The following CFAP299 variants were observed in gnomAD, a reference collection of about 807,000 sequenced individuals.
CFAP299 encodes cilia- and flagella-associated protein 299.
In CFAP299, 21 loss-of-function variants were observed where a neutral mutation model predicts 27.0. The ratio of observed to expected loss-of-function variants is 0.78; its 90% CI spans 0.55 to 1.12. CFAP299 has a LOEUF of 1.12. Ranked by LOEUF, CFAP299 falls within the 50% of genes most tolerant of loss-of-function variation. The probability of loss-of-function intolerance (pLI) is 0.00; values close to 1 mark genes in which losing one functional copy is unlikely to be tolerated. For synonymous variants in CFAP299, 104 were observed against 98.1 expected (o/e 1.06, Z -0.36); for missense variants, 310 against 276.6 (o/e 1.12, Z -0.86).
At chr4:80,354,877 T>A (rs528149430) in intron 1 of CFAP299, among the ~76,000 whole-genome samples, 1 of 152,318 alleles carries the variant, frequency 6.6e-6, no homozygotes, top group Non-Finnish European at 1.5e-5. Context: ...CTGCATAGTG[T>A]TCTATGGTAT....
At chr4:80,428,654 G>A (rs549457357) in intron 2 of CFAP299, among the ~76,000 whole-genome samples, 1 of 151,266 alleles carries the variant, frequency 6.6e-6, no homozygotes, top group South Asian at 2.1e-4. Flanking sequence ...AGCCTCACGA[G>A]TAGCTGGGAT....
At chr4:80,959,743 A>C (rs1304859120) in intron 5 of CFAP299, among the ~76,000 whole-genome samples, 1 of 151,934 alleles carries the variant, frequency 6.6e-6, no homozygotes, top group Admixed American at 6.6e-5. Flanking sequence ...TCTCAGAGAT[A>C]GTTTTAAGTG....
rs560987575 is a variant in CFAP299, at chr4:80,771,712, A to G, written c.334-98281A>G. 4.6e-5 allele frequency among the ~76,000 whole-genome samples: 7 copies of G among 152,298 alleles called. No individual in the cohort carries two copies. In the East Asian group the frequency reaches 1.2e-3, roughly 25 times the overall value. On this transcript the variant is annotated intron_variant, in intron 3 of 5. Transcript: ENST00000358105. Reference sequence around the variant, plus strand: ...CAGGCATCTTAAATACATGTCTTCCATCATGTGCTTTAAGGTGGCCCCTCC... The same window carrying G: ...CAGGCATCTTAAATACATGTCTTCCGTCATGTGCTTTAAGGTGGCCCCTCC...
chr4:80,799,502 T>A (rs1423670596), intron 3 of CFAP299, among the ~76,000 whole-genome samples: 5 of 80,956 alleles, frequency 6.2e-5, no homozygotes, highest in South Asian at 3.9e-4. Context: ...ATAATATATT[T>A]TATAAATGTA....
intron 4 of CFAP299, among the ~76,000 whole-genome samples, chr4:80,912,529 C>T (rs34834368): frequency 0.13 from 19,272 of 152,130 alleles, 1,481 homozygotes; most frequent in Middle Eastern, 0.22. Flanking sequence ...TACTGTCTCC[C>T]TCATTGTGTG....
chr4:80,668,157 A>ATT (rs879760731), intron 3 of CFAP299, among the ~76,000 whole-genome samples: 6 of 22,606 alleles, frequency 2.7e-4, no homozygotes, highest in Admixed American at 2.0e-3. Context: ...TTTTTAAATA[A>ATT]ATTTTTTTTT....
At chr4:80,440,517 A>G (rs1728307402) in intron 2 of CFAP299, among the ~76,000 whole-genome samples, 3 of 152,198 alleles carry the variant, frequency 2.0e-5, no homozygotes, top group Admixed American at 6.5e-5. Context: ...AACATCAACA[A>G]AAAGGATGCC....
rs139798234 is a variant in CFAP299 at position 80,549,019 on chromosome 4, C to A, written c.243-34074C>A. On this transcript the variant is annotated intron_variant, in intron 2 of 5. Coordinates refer to ENST00000358105, the MANE Select transcript of CFAP299 (RefSeq NM_152770.3). ...GGGAAAAATCATCACATGTTTCAAG[C>A]ACTGTATGCATAGTCAGTGTGGGAG... Among the ~76,000 whole-genome samples, 772 of 152,134 alleles carry A rather than the reference C, an allele frequency of 5.1e-3. 5 individuals are homozygous for A. The highest frequency in any genetic ancestry group is 0.017 in the Middle Eastern group (5 of 294).
chr4:80,446,398 A>G (rs1214051037), intron 2 of CFAP299, among the ~76,000 whole-genome samples: 1 of 152,268 alleles, frequency 6.6e-6, no homozygotes, highest in Non-Finnish European at 1.5e-5. Flanking sequence ...GTTGAGGACT[A>G]TCTGCCAACA....
intron 3 of CFAP299, among the ~76,000 whole-genome samples, chr4:80,587,750 C>A (rs1213047312): frequency 6.6e-6 from 1 of 152,124 alleles, no homozygotes; most frequent in Non-Finnish European, 1.5e-5. Context: ...TGTCACCACA[C>A]CCAGCTAATT....
chr4:80,931,228 G>T (rs1253350933), intron 4 of CFAP299, among the ~76,000 whole-genome samples: 1 of 151,970 alleles, frequency 6.6e-6, no homozygotes, highest in African/African-American at 2.4e-5. Context: ...TTGGCTCCTC[G>T]CCTCACCCTA....
intron 3 of CFAP299, among the ~76,000 whole-genome samples, chr4:80,744,794 C>G (rs1724489799): frequency 6.6e-6 from 1 of 152,004 alleles, no homozygotes; most frequent in Non-Finnish European, 1.5e-5. Flanking sequence ...CCCAAATTAC[C>G]TAGATGCACA....
intron 2 of CFAP299, among the ~76,000 whole-genome samples, chr4:80,504,684 A>AT (rs1227672047): frequency 6.8e-6 from 1 of 147,690 alleles, no homozygotes; most frequent in Non-Finnish European, 1.5e-5. Flanking sequence ...AGAATGGGGG[A>AT]TTAAAAAAAA....
intron 3 of CFAP299, among the ~76,000 whole-genome samples, chr4:80,816,385 C>T (rs1292766458): frequency 6.6e-6 from 1 of 151,972 alleles, no homozygotes; most frequent in Non-Finnish European, 1.5e-5. Flanking sequence ...AAATAAATCC[C>T]TTTAATATAG....
intron 3 of CFAP299, among the ~76,000 whole-genome samples, chr4:80,863,592 CT>C (rs1169327910): frequency 6.6e-6 from 1 of 152,068 alleles, no homozygotes; most frequent in Non-Finnish European, 1.5e-5. Context: ...AGCAATGTGT[CT>C]TGATATTTCT....
intron 2 of CFAP299, among the ~76,000 whole-genome samples, chr4:80,394,648 A>G (rs1419830937): frequency 6.6e-6 from 1 of 152,126 alleles, no homozygotes; most frequent in Non-Finnish European, 1.5e-5. Context: ...CATGCAGAGA[A>G]TCAGTTTTCC....
chr4:80,836,526 C>T (rs1353130386), intron 3 of CFAP299, among the ~76,000 whole-genome samples: 2 of 152,142 alleles, frequency 1.3e-5, no homozygotes, highest in Non-Finnish European at 2.9e-5. Context: ...TTGAATTTTA[C>T]CTGACCTTCT....
intron 3 of CFAP299, among the ~76,000 whole-genome samples, chr4:80,780,563 T>C (rs757138453): frequency 2.0e-5 from 3 of 152,094 alleles, no homozygotes; most frequent in Non-Finnish European, 4.4e-5. Context: ...TGGGTTGCCT[T>C]AGAAGAAAGC....
intron 3 of CFAP299, among the ~76,000 whole-genome samples, chr4:80,584,836 C>G (rs1307902046): frequency 6.6e-6 from 1 of 151,980 alleles, no homozygotes; most frequent in Non-Finnish European, 1.5e-5. Flanking sequence ...AGGCATCGTA[C>G]TAACTGCTTG....
Sources: gnomAD v4.1 joint callset for allele counts (sites outside exome capture counted in the v4.1 genomes callset) on GRCh38, gnomAD v4.1.1 for gene constraint, MANE v1.5 for transcripts, NCBI Gene and HGNC (gene_info 2026-07-23, HGNC 2026-07-21) for gene names.